Variants in CDH23 observed in about 807,000 individuals in gnomAD.
The protein encoded by CDH23 is cadherin-23.
A neutral mutation model predicts 317.1 loss-of-function variants in CDH23; 189 were observed. The observed-to-expected ratio is 0.60, with a 90% confidence interval of 0.53 to 0.67. The LOEUF is 0.67. Among genes scored for constraint, CDH23 ranks in the 30% least tolerant of loss-of-function variants. The pLI is 0.00. For synonymous variants in CDH23, 1,839 were observed against 1,876.8 expected, an observed-to-expected ratio of 0.98 and a Z score of 0.52; for missense variants, 4,401 against 4,592.4, an observed-to-expected ratio of 0.96 and a Z score of 1.20.
chr10:71,689,467 T>C (rs1400779041), intron 19 of CDH23, among the ~76,000 whole-genome samples: 1 of 152,074 alleles, frequency 6.6e-6, no homozygotes, highest in Non-Finnish European at 1.5e-5. Context: ...GGCACTTAAT[T>C]CTCTTCAGGG....
intron 18 of CDH23, 23 bp downstream of exon 18, chr10:71,682,595 C>T (rs773801534): frequency 3.7e-6 from 6 of 1,610,450 alleles, no homozygotes; most frequent in Non-Finnish European, 5.1e-6. Flanking sequence ...GGCCACTGGC[C>T]TTGCCCTGCT....
chr10:71,439,242 A>G (rs10823751), intron 1 of CDH23, among the ~76,000 whole-genome samples: 47,892 of 151,956 alleles, frequency 0.32, 7,785 homozygotes, highest in Middle Eastern at 0.45. Context: ...GGACACCATG[A>G]CCTGCTGCAT....
chr10:71,493,641 G>A (rs1387270819), intron 3 of CDH23, among the ~76,000 whole-genome samples: 1 of 152,124 alleles, frequency 6.6e-6, no homozygotes, highest in African/African-American at 2.4e-5. Flanking sequence ...TTACCACCTT[G>A]TGGAGCTTCA....
chr10:71,622,659 C>G (rs1403594427), intron 11 of CDH23, among the ~76,000 whole-genome samples: 1 of 152,214 alleles, frequency 6.6e-6, no homozygotes, highest in Non-Finnish European at 1.5e-5. Context: ...CTGACAGTTC[C>G]TCTCATCCGC....
chr10:71,571,023 C>A, intron 8 of CDH23, 105 bp downstream of exon 8: 3 of 1,308,132 alleles, frequency 2.3e-6, no homozygotes, highest in Non-Finnish European at 3.2e-6. Flanking sequence ...TCCTCCTTGG[C>A]TCCTCCGCAG....
At position 71,725,502 on chromosome 10, in the gene CDH23, C is replaced by T; in HGVS notation, c.3561C>T (p.Pro1187=). The stretch of plus-strand genomic sequence containing the variant: ...AGGCCTACAACCACGACCTGGGCCC[C>T]ATGCGGAGCTCCGTCAGGGTGAGGC... ...IVEAYNHDLG[P]MRSSVRVIVY... Residue 1187 remains proline (P), a synonymous_variant, in exon 30 of 70, where the codon CCC becomes CCT. Transcript: ENST00000224721. The T allele has an allele frequency of 1.2e-6, 2 of 1,613,542 alleles. No homozygotes were observed. Among genetic ancestry groups the T allele is most frequent in the Non-Finnish European group, 1.7e-6 (2 of 1,179,724 alleles).
chr10:71,785,990 G>A (rs1200380995), intron 44 of CDH23, among the ~76,000 whole-genome samples: 3 of 152,192 alleles, frequency 2.0e-5, no homozygotes, highest in Non-Finnish European at 2.9e-5. Context: ...AAGGATGAAG[G>A]AGCCAATATA....
At chr10:71,728,801 T>C (rs1046780240) in intron 30 of CDH23, among the ~76,000 whole-genome samples, 12 of 152,150 alleles carry the variant, frequency 7.9e-5, no homozygotes, top group Admixed American at 5.9e-4. Flanking sequence ...ACTCCTGGGC[T>C]CCAGCAATCC....
At chr10:71,771,891 G>A (rs1337039743) in intron 38 of CDH23, among the ~76,000 whole-genome samples, 1 of 152,140 alleles carries the variant, frequency 6.6e-6, no homozygotes, top group East Asian at 1.9e-4. Context: ...ACAGAGGGCA[G>A]CCCAGCCAAG....
rs534466092 is a variant in CDH23 at position 71,737,742 on chromosome 10, G to A, written c.4210-756G>A. The A allele has an allele frequency of 5.2e-4, 246 of 470,154 alleles. 2 individuals carry two copies. Among genetic ancestry groups the A allele is most frequent in the South Asian group, 2.8e-3 (183 of 64,568 alleles). 29.1% of individuals were successfully genotyped at this position (470,154 alleles called of 1,614,324 possible). A position where few individuals can be genotyped will look rare whatever the true frequency, so the allele number is the denominator to read the frequency against. On this transcript the variant is annotated intron_variant, in intron 34 of 69. Transcript: ENST00000224721. The stretch of plus-strand genomic sequence containing the variant: ...CCCCTGGGTACCTGTGATTCCAGCC[G>A]CAGTGGCCTGTGGCCGTCCGTGGAC...
rs780564067 is a variant in CDH23, at chr10:71,706,828, C to T, written c.2954-69C>T. ...TCCCTACTTGGTCTGGTGCTGGAGA[C>T]GCTGCTCTGGAGCTGGGTCTTCTGC... On this transcript the variant is annotated intron_variant, in intron 25 of 69. Transcript: ENST00000224721. The T allele has an allele frequency of 1.2e-3, 1,874 of 1,522,166 alleles. 1 individual carries two copies. The highest frequency in any genetic ancestry group is 1.5e-3 in the Non-Finnish European group (1,658 of 1,130,492). The allele number at this position is 1,522,166 out of a possible 1,614,324, so 94.3% of individuals were successfully genotyped here.
chr10:71,633,803 A>T (rs1862131669), intron 11 of CDH23, among the ~76,000 whole-genome samples: 1 of 152,148 alleles, frequency 6.6e-6, no homozygotes, highest in Non-Finnish European at 1.5e-5. Flanking sequence ...AAAGCAGGCC[A>T]GCGCCAGTCC....
At chr10:71,488,336 C>T (rs889788738) in intron 3 of CDH23, among the ~76,000 whole-genome samples, 4 of 152,212 alleles carry the variant, frequency 2.6e-5, no homozygotes, top group African/African-American at 9.7e-5. Context: ...AATTTGGGTA[C>T]AGCTCCTAGA....
At chr10:71,536,161 A>G (rs1354539992) in intron 6 of CDH23, among the ~76,000 whole-genome samples, 1 of 152,262 alleles carries the variant, frequency 6.6e-6, no homozygotes, top group Non-Finnish European at 1.5e-5. Flanking sequence ...CATGGGGACA[A>G]GGAGGCACAG....
chr10:71,558,077 A>G (rs953153477), intron 6 of CDH23, among the ~76,000 whole-genome samples: 2 of 127,786 alleles, frequency 1.6e-5, no homozygotes, highest in Non-Finnish European at 3.2e-5. Flanking sequence ...GGCTCACTGC[A>G]ACATCTCCCT....
rs1010567457 is a variant in CDH23, at chr10:71,589,009, G to A, written c.832+11017G>A. Among the ~76,000 whole-genome samples the A allele has an allele frequency of 2.6e-5, 4 of 152,110 alleles. No homozygotes were observed. The South Asian group carries it at 6.2e-4, about 24-fold the overall frequency. ...ACTGCGTGCCCCTCCCCACTCACAC[G>A]CAAACAGCTCCCCCAGCTCCAGTCT... On this transcript the variant is annotated intron_variant, in intron 9 of 69. Transcript: ENST00000224721.
At chr10:71,588,154 C>G (rs1269337429) in intron 9 of CDH23, among the ~76,000 whole-genome samples, 3 of 152,170 alleles carry the variant, frequency 2.0e-5, no homozygotes, top group Non-Finnish European at 4.4e-5. Context: ...TCAGCCACCT[C>G]CCACCCCACA....
intron 1 of CDH23, among the ~76,000 whole-genome samples, chr10:71,420,202 C>CT (rs931956498): frequency 1.6e-4 from 24 of 150,884 alleles, no homozygotes; most frequent in East Asian, 3.9e-4. Flanking sequence ...ACCAAATTAT[C>CT]TTTTTTTTTC....
intron 6 of CDH23, among the ~76,000 whole-genome samples, chr10:71,555,185 C>G (rs1856812687): frequency 6.6e-6 from 1 of 152,110 alleles, no homozygotes; most frequent in Non-Finnish European, 1.5e-5. Context: ...TCTTGGTTTC[C>G]TCCCATTTCA....
Sources: allele counts gnomAD v4.1 joint callset (sites outside exome capture counted in the v4.1 genomes callset), GRCh38; gene constraint gnomAD v4.1.1; transcripts MANE v1.5; gene names NCBI Gene and HGNC (gene_info 2026-07-23, HGNC 2026-07-21).